Variants in RPS6KA2 observed in about 807,000 individuals in gnomAD.
RPS6KA2 encodes the protein ribosomal protein S6 kinase alpha-2.
In RPS6KA2, 42 loss-of-function variants were observed where a neutral mutation model predicts 91.8. That is an observed-to-expected ratio of 0.46 (90% CI 0.36 to 0.59). The LOEUF is 0.59. Among genes scored for constraint, RPS6KA2 ranks in the 20% least tolerant of loss-of-function variants. RPS6KA2 has a pLI of 0.00. For synonymous variants in RPS6KA2, 414 were observed against 393.6 expected, an observed-to-expected ratio of 1.05 and a Z score of -0.61; for missense variants, 798 against 978.5, an observed-to-expected ratio of 0.82 and a Z score of 2.46.
At chr6:166,641,991 A>G (rs529346362) in intron 2 of RPS6KA2, among the ~76,000 whole-genome samples, 1 of 152,156 alleles carries the variant, frequency 6.6e-6, no homozygotes, top group South Asian at 2.1e-4. Flanking sequence ...GAGGTGAGGC[A>G]ATACTGCAGA....
intron 1 of RPS6KA2, among the ~76,000 whole-genome samples, chr6:166,584,413 G>T (rs1031987643): frequency 1.3e-5 from 2 of 152,192 alleles, no homozygotes; most frequent in South Asian, 4.1e-4. Context: ...AACATGGAGG[G>T]ATACAATTGA....
chr6:166,480,319 G>T (rs1781144170), intron 10 of RPS6KA2, among the ~76,000 whole-genome samples: 1 of 151,706 alleles, frequency 6.6e-6, no homozygotes, highest in South Asian at 2.1e-4. Context: ...TACAGGTACT[G>T]GCTGATTCGA....
intron 2 of RPS6KA2, chr6:166,701,609 CA>C: frequency 7.5e-7 from 1 of 1,327,788 alleles, no homozygotes; most frequent in Non-Finnish European, 1.1e-6. Flanking sequence ...AACAGATGAA[CA>C]GTCTCGGATT....
At chr6:166,679,929 G>A (rs983917238) in intron 2 of RPS6KA2, among the ~76,000 whole-genome samples, 5 of 152,220 alleles carry the variant, frequency 3.3e-5, no homozygotes, top group South Asian at 2.1e-4. Flanking sequence ...ACTAGGTGCC[G>A]CAAAGTCCCT....
chr6:166,582,256 C>T (rs1785046018), intron 1 of RPS6KA2, among the ~76,000 whole-genome samples: 1 of 152,144 alleles, frequency 6.6e-6, no homozygotes, highest in African/African-American at 2.4e-5. Flanking sequence ...AGCACAGTGG[C>T]CACTGAAAGC....
intron 1 of RPS6KA2, among the ~76,000 whole-genome samples, chr6:166,613,082 C>G (rs988246656): frequency 2.0e-5 from 3 of 152,198 alleles, no homozygotes; most frequent in African/African-American, 7.2e-5. Context: ...TAGTTAAAAG[C>G]ACGTGTCTGA....
At chr6:166,535,690 G>A (rs1008665094) in intron 2 of RPS6KA2, among the ~76,000 whole-genome samples, 8 of 152,332 alleles carry the variant, frequency 5.3e-5, no homozygotes, top group African/African-American at 1.9e-4. Context: ...CACTGGGTCT[G>A]CACCCCTCCT....
intron 2 of RPS6KA2, among the ~76,000 whole-genome samples, chr6:166,730,968 T>C (rs1790493395): frequency 6.6e-6 from 1 of 152,156 alleles, no homozygotes; most frequent in South Asian, 2.1e-4. Flanking sequence ...ATCCGCCGGG[T>C]GCAGTGGCTC....
chr6:166,711,769 GGAAGT>G (rs1355694354), intron 2 of RPS6KA2, among the ~76,000 whole-genome samples: 45 of 129,094 alleles, frequency 3.5e-4, no homozygotes, highest in Non-Finnish European at 3.7e-4. Context: ...ATAAATAAAA[GGAAGT>G]GAAGAAAGAA....
At chr6:166,772,265 A>G in intron 2 of RPS6KA2, among the ~76,000 whole-genome samples, 2 of 101,162 alleles carry the variant, frequency 2.0e-5, no homozygotes, top group South Asian at 6.8e-4. Context: ...CCCCCCCACC[A>G]CTGGGAGAAA....
chr6:166,704,714 T>C (rs6921223), intron 2 of RPS6KA2, among the ~76,000 whole-genome samples: 5,102 of 152,298 alleles, frequency 0.034, 288 homozygotes, highest in African/African-American at 0.12. Context: ...GATGGTGACC[T>C]GGAACTCTCC....
chr6:166,699,888 T>C (rs1361757721), intron 2 of RPS6KA2, among the ~76,000 whole-genome samples: 1 of 152,250 alleles, frequency 6.6e-6, no homozygotes, highest in Non-Finnish European at 1.5e-5. Context: ...TTAAAAATCT[T>C]CAAAATAGCT....
chr6:166,782,009 G>T (rs1778786488), intron 2 of RPS6KA2, among the ~76,000 whole-genome samples: 1 of 152,220 alleles, frequency 6.6e-6, no homozygotes, highest in South Asian at 2.1e-4. Flanking sequence ...GTCTCTAGAG[G>T]CCGGGCATGG....
intron 2 of RPS6KA2, among the ~76,000 whole-genome samples, chr6:166,741,055 A>T (rs1790797334): frequency 6.6e-6 from 1 of 152,244 alleles, no homozygotes; most frequent in South Asian, 2.1e-4. Context: ...TGAGGAGGTA[A>T]TGCAGGCGCT....
chr6:166,676,155 A>C (rs769437463), intron 2 of RPS6KA2, among the ~76,000 whole-genome samples: 19 of 152,124 alleles, frequency 1.2e-4, no homozygotes, highest in Non-Finnish European at 2.5e-4. Context: ...TGTCTCTACC[A>C]AAAACACAAA....
chr6:166,495,565 G>A lies in RPS6KA2; in HGVS notation c.747+2943C>T, dbSNP rs1004427314. ...ATGGGTGAAGGCTGCCGGGCACTGGGTCTGGGTGTGAGTGCCTCTCTGCTT... is the reference window on the plus strand; with the variant it reads ...ATGGGTGAAGGCTGCCGGGCACTGGATCTGGGTGTGAGTGCCTCTCTGCTT... On this transcript the variant is annotated intron_variant, in intron 8 of 20. Coordinates refer to ENST00000265678, the MANE Select transcript of RPS6KA2 (RefSeq NM_021135.6). The surrounding 1 kb of genome is among the most constrained non-coding windows in gnomAD (Gnocchi z 4.4). Among the ~76,000 whole-genome samples the A allele has an allele frequency of 6.6e-6, 1 of 152,152 alleles. No individual in the cohort carries two copies. The highest frequency in any genetic ancestry group is 1.9e-4 in the East Asian group (1 of 5,182).
At position 166,484,627 on chromosome 6, in the gene RPS6KA2, C is replaced by A. The variant is rs535966645; in HGVS notation, c.907+4206G>T. 2.0e-5 allele frequency among the ~76,000 whole-genome samples: 3 copies of A among 152,246 alleles called. No homozygotes were observed. The East Asian group carries it at 5.8e-4, about 29-fold the overall frequency. The stretch of plus-strand genomic sequence containing the variant: ...TTGTAGCCGCATTGCCATCACAAGG[C>A]ACCGAGGATAAGGATGAAAAGGCAG... On this transcript the variant is annotated intron_variant, in intron 10 of 20. Coordinates refer to ENST00000265678, the MANE Select transcript of RPS6KA2 (RefSeq NM_021135.6).
At chr6:166,592,919 G>A (rs143356165) in intron 1 of RPS6KA2, among the ~76,000 whole-genome samples, 20 of 152,318 alleles carry the variant, frequency 1.3e-4, no homozygotes, top group Middle Eastern at 6.8e-3. Context: ...ACAAAAGGTT[G>A]AAGGAAAGTA....
At chr6:166,756,061 C>A (rs1236258104) in intron 2 of RPS6KA2, among the ~76,000 whole-genome samples, 40 of 151,942 alleles carry the variant, frequency 2.6e-4, no homozygotes, top group Non-Finnish European at 1.5e-5. Context: ...GTGGCCGAGG[C>A]GGGTGGATCA....
Sources: allele counts gnomAD v4.1 joint callset (sites outside exome capture counted in the v4.1 genomes callset), GRCh38; gene constraint gnomAD v4.1.1; non-coding constraint Gnocchi (gnomAD v3.1); transcripts MANE v1.5; gene names NCBI Gene and HGNC (gene_info 2026-07-23, HGNC 2026-07-21).